Variants in SBF2 observed in about 807,000 individuals in gnomAD.
The protein encoded by SBF2 is myotubularin-related protein 13.
Under a neutral mutation model 225.2 loss-of-function variants are expected in SBF2, and 112 were observed. The ratio of observed to expected loss-of-function variants is 0.50; its 90% CI spans 0.43 to 0.58. The LOEUF is 0.58. Ranked by LOEUF, SBF2 falls within the 20% of genes least tolerant of loss-of-function variation. The pLI, the probability that SBF2 is intolerant of heterozygous loss-of-function variation, is 0.00. For missense variants in SBF2, 1,996 were observed against 2,206.2 expected (o/e 0.90, Z 1.91); for synonymous variants, 763 against 773.3 (o/e 0.99, Z 0.22).
chr11:10,195,221 C>T (rs1957314352), intron 1 of SBF2, among the ~76,000 whole-genome samples: 1 of 152,140 alleles, frequency 6.6e-6, no homozygotes, highest in African/African-American at 2.4e-5. Context: ...TCCAGTAGCA[C>T]CCTCTACCAC....
intron 26 of SBF2, among the ~76,000 whole-genome samples, chr11:9,833,046 T>A (rs1238259613): frequency 2.6e-5 from 4 of 152,224 alleles, no homozygotes; most frequent in Non-Finnish European, 5.9e-5. Flanking sequence ...ACAAGTCAAA[T>A]TGTAAACAAT....
intron 6 of SBF2, among the ~76,000 whole-genome samples, chr11:10,025,458 A>G (rs1189095473): frequency 6.6e-6 from 1 of 152,162 alleles, no homozygotes; most frequent in Non-Finnish European, 1.5e-5. Context: ...AGTACTGATC[A>G]GCTTCTCAGC....
At chr11:10,190,059 G>A (rs558575496) in intron 2 of SBF2, among the ~76,000 whole-genome samples, 6 of 151,970 alleles carry the variant, frequency 3.9e-5, no homozygotes, top group Non-Finnish European at 7.4e-5. Context: ...GCTGAGGCAG[G>A]AGGACTGCTT....
intron 2 of SBF2, among the ~76,000 whole-genome samples, chr11:10,184,159 A>G (rs1472425617): frequency 3.3e-5 from 5 of 152,200 alleles, no homozygotes; most frequent in Non-Finnish European, 7.3e-5. Flanking sequence ...AAAAGATAAC[A>G]CATGCTTTTC....
chr11:10,055,706 G>C (rs1168014860), intron 2 of SBF2, among the ~76,000 whole-genome samples: 2 of 152,092 alleles, frequency 1.3e-5, no homozygotes, highest in Non-Finnish European at 2.9e-5. Context: ...TTACTTTTAA[G>C]TAAGAGCTAA....
intron 2 of SBF2, among the ~76,000 whole-genome samples, chr11:10,113,772 G>A (rs1169337510): frequency 6.7e-6 from 1 of 149,804 alleles, no homozygotes; most frequent in Non-Finnish European, 1.5e-5. Context: ...AAATGTATGA[G>A]ACTGGTGTTT....
chr11:10,118,045 CA>C (rs996539525), intron 2 of SBF2, among the ~76,000 whole-genome samples: 2 of 152,136 alleles, frequency 1.3e-5, no homozygotes, highest in Admixed American at 1.3e-4. Context: ...GATCTTATTA[CA>C]AAACAAGTTA....
chr11:10,075,625 C>T (rs1165000352), intron 2 of SBF2, among the ~76,000 whole-genome samples: 5 of 152,206 alleles, frequency 3.3e-5, no homozygotes, highest in Non-Finnish European at 4.4e-5. Context: ...TGCTGTCTCT[C>T]CTGCCACCAT....
At chr11:10,300,211 G>A (rs750480214) in intron 1 of SBF2, among the ~76,000 whole-genome samples, 21 of 152,240 alleles carry the variant, frequency 1.4e-4, no homozygotes, top group Non-Finnish European at 2.9e-4. Context: ...ATCTGGCTAC[G>A]TCACTAGGCT....
At chr11:10,231,747 C>T (rs962251151) in intron 1 of SBF2, among the ~76,000 whole-genome samples, 6 of 152,208 alleles carry the variant, frequency 3.9e-5, no homozygotes, top group African/African-American at 1.4e-4. Flanking sequence ...TTAGGCTACT[C>T]AGGGGTCAGG....
At chr11:10,241,497 G>C (rs920137952) in intron 1 of SBF2, among the ~76,000 whole-genome samples, 5 of 152,016 alleles carry the variant, frequency 3.3e-5, no homozygotes, top group African/African-American at 1.2e-4. Flanking sequence ...ATATACAATA[G>C]AGAAGAATGA....
chr11:9,783,826 C>G (rs573546579), intron 38 of SBF2, among the ~76,000 whole-genome samples: 13 of 152,268 alleles, frequency 8.5e-5, no homozygotes, highest in Admixed American at 7.8e-4. Flanking sequence ...TGAAGGGTAA[C>G]AGTGCCTCCT....
rs139403028 is a variant in SBF2 at position 10,233,746 on chromosome 11, C to T, written c.56-39759G>A. Among the ~76,000 whole-genome samples the T allele has an allele frequency of 3.4e-4, 52 of 152,266 alleles. 1 individual carries two copies. Among genetic ancestry groups the T allele is most frequent in the African/African-American group, 1.2e-3 (51 of 41,554 alleles). On this transcript the variant is annotated intron_variant, in intron 1 of 39. Coordinates refer to ENST00000256190, the MANE Select transcript of SBF2 (RefSeq NM_030962.4). ...TTAGAGCCTTCAGGTTCTGCATCAG[C>T]ATTCCGGTTAAAACTATTATCTTCC...
At chr11:10,025,761 C>T (rs921400590) in intron 6 of SBF2, among the ~76,000 whole-genome samples, 11 of 151,986 alleles carry the variant, frequency 7.2e-5, no homozygotes, top group African/African-American at 1.4e-4. Context: ...CACCATGCTC[C>T]GCTACTGTTT....
intron 2 of SBF2, among the ~76,000 whole-genome samples, chr11:10,155,277 T>C (rs1279184605): frequency 2.0e-5 from 3 of 152,170 alleles, no homozygotes; most frequent in Non-Finnish European, 2.9e-5. Context: ...CATTAGAGAA[T>C]AGTAAAATGT....
intron 13 of SBF2, among the ~76,000 whole-genome samples, chr11:9,976,927 G>A (rs918952312): frequency 6.6e-6 from 1 of 151,702 alleles, no homozygotes; most frequent in African/African-American, 2.4e-5. Flanking sequence ...CCACCACCAT[G>A]CCCAGCTAAT....
intron 6 of SBF2, 82 bp from the exon 7 acceptor site, chr11:10,002,771 G>A: frequency 1.5e-6 from 2 of 1,330,434 alleles, no homozygotes; most frequent in Non-Finnish European, 2.1e-6. Context: ...TACACGGAAA[G>A]AAAAAGCCAG....
At chr11:10,071,052 G>A (rs147219434) in intron 2 of SBF2, among the ~76,000 whole-genome samples, 1 of 152,124 alleles carries the variant, frequency 6.6e-6, no homozygotes, top group Non-Finnish European at 1.5e-5. Flanking sequence ...AGCTTAAGGA[G>A]GTTTTGGGCT....
intron 24 of SBF2, 79 bp from the exon 25 acceptor site, chr11:9,842,849 A>G: frequency 6.9e-7 from 1 of 1,451,040 alleles, no homozygotes; most frequent in African/African-American, 1.4e-5. Flanking sequence ...CTTAGCTCAA[A>G]TTGTTTCTTC....
Sources: allele counts gnomAD v4.1 joint callset (sites outside exome capture counted in the v4.1 genomes callset), GRCh38; gene constraint gnomAD v4.1.1; transcripts MANE v1.5; gene names NCBI Gene and HGNC (gene_info 2026-07-23, HGNC 2026-07-21).